The following PCDH9 variants were observed in gnomAD, a reference collection of about 807,000 sequenced individuals.
PCDH9 encodes protocadherin 9.
In PCDH9, 24 loss-of-function variants were observed where a neutral mutation model predicts 70.6. The ratio of observed to expected loss-of-function variants is 0.34; its 90% CI spans 0.25 to 0.48. The LOEUF (loss-of-function observed/expected upper bound fraction) is 0.48, where lower values mean the gene tolerates loss of function less well. Among genes scored for constraint, PCDH9 ranks in the 20% least tolerant of loss-of-function variants. PCDH9 has a pLI of 0.99. For synonymous variants in PCDH9, 562 were observed against 558.5 expected (o/e 1.01, Z -0.09); for missense variants, 1,281 against 1,503.6 (o/e 0.85, Z 2.45).
intron 3 of PCDH9, among the ~76,000 whole-genome samples, chr13:66,695,193 G>A (rs1490947368): frequency 6.6e-6 from 1 of 152,094 alleles, no homozygotes; most frequent in Non-Finnish European, 1.5e-5. Context: ...GTGAGCCACC[G>A]CGCCCGGTAT....
At chr13:66,626,644 T>TA (rs1415176700) in intron 4 of PCDH9, among the ~76,000 whole-genome samples, 3 of 152,182 alleles carry the variant, frequency 2.0e-5, no homozygotes, top group East Asian at 3.9e-4. Flanking sequence ...TAGACATTTT[T>TA]AAAAAATGGA....
intron 3 of PCDH9, among the ~76,000 whole-genome samples, chr13:66,746,912 G>T (rs1301384584): frequency 1.3e-5 from 2 of 151,900 alleles, no homozygotes; most frequent in Non-Finnish European, 2.9e-5. Context: ...TACTAAATGT[G>T]AATACCCCTA....
chr13:66,438,163 G>A (rs1207441965), intron 4 of PCDH9, among the ~76,000 whole-genome samples: 1 of 151,754 alleles, frequency 6.6e-6, no homozygotes, highest in Non-Finnish European at 1.5e-5. Context: ...GAAACCGGGA[G>A]GTAGAGGTTG....
intron 2 of PCDH9, among the ~76,000 whole-genome samples, chr13:67,002,730 T>A (rs1371916639): frequency 2.0e-5 from 3 of 152,076 alleles, no homozygotes; most frequent in Admixed American, 2.0e-4. Context: ...CTTCTTTTTT[T>A]CCTGTAAATT....
At chr13:66,555,956 A>G (rs1454008338) in intron 4 of PCDH9, among the ~76,000 whole-genome samples, 1 of 148,354 alleles carries the variant, frequency 6.7e-6, no homozygotes, top group Admixed American at 6.8e-5. Context: ...TATATAAGAT[A>G]TATACATTTT....
chr13:66,779,563 C>A (rs2079955272), intron 3 of PCDH9, among the ~76,000 whole-genome samples: 1 of 152,116 alleles, frequency 6.6e-6, no homozygotes, highest in African/African-American at 2.4e-5. Context: ...TGGCTCAGGC[C>A]TGTAATCCCA....
At chr13:66,935,245 G>A (rs1594282452) in intron 2 of PCDH9, among the ~76,000 whole-genome samples, 1 of 151,750 alleles carries the variant, frequency 6.6e-6, no homozygotes, top group Non-Finnish European at 1.5e-5. Context: ...TTGTAGTGAC[G>A]AGATCCCACT....
chr13:66,529,470 CTG>C (rs1437123046), intron 4 of PCDH9, among the ~76,000 whole-genome samples: 2 of 152,016 alleles, frequency 1.3e-5, no homozygotes, highest in East Asian at 1.9e-4. Context: ...GCAAAAGGGT[CTG>C]TGTCTTTTTC....
rs1247996392 is a variant in PCDH9 at position 66,922,900 on chromosome 13, CATTAT to C, written c.3037-19300_3037-19296del. ...TTTTTTTCATCTTTAAAAGAAAACT[CATTAT>C]ATTATTAATTTTTTAGAAACCAATA... On this transcript the variant is annotated intron_variant, in intron 2 of 4. Coordinates refer to ENST00000377865, the MANE Select transcript of PCDH9 (RefSeq NM_203487.3). 4.6e-5 allele frequency among the ~76,000 whole-genome samples: 7 copies of C among 151,332 alleles called. No individual in the cohort carries two copies. In the South Asian group the frequency reaches 1.2e-3, roughly 27 times the overall value.
At chr13:66,882,797 T>A (rs1362522580) in intron 3 of PCDH9, among the ~76,000 whole-genome samples, 1 of 152,108 alleles carries the variant, frequency 6.6e-6, no homozygotes, top group Non-Finnish European at 1.5e-5. Flanking sequence ...AATATATAAA[T>A]CTCATGAAAC....
chr13:66,522,709 G>A (rs928383021), intron 4 of PCDH9, among the ~76,000 whole-genome samples: 3 of 151,974 alleles, frequency 2.0e-5, no homozygotes, highest in Non-Finnish European at 4.4e-5. Context: ...GATAGAGAGA[G>A]TCATGCAGCC....
Position 66,303,148 on chromosome 13 carries a change from T to C in PCDH9, c.*1507A>G, listed in dbSNP as rs911685012. 3 of 152,300 alleles carry C rather than the reference T, an allele frequency of 2.0e-5. No homozygotes were observed. Among genetic ancestry groups the C allele is most frequent in the African/African-American group, 4.8e-5 (2 of 41,390 alleles). The allele number at this position is 152,300 out of a possible 1,614,324, so 9.4% of individuals were successfully genotyped here. ...GTTTTTTTTACTTTTAAATTGATGG[T>C]GAACCGTGGCATTAAGATAACTTCC... On this transcript the variant is annotated 3_prime_UTR_variant, in exon 5 of 5. Coordinates refer to ENST00000377865, the MANE Select transcript of PCDH9 (RefSeq NM_203487.3).
intron 2 of PCDH9, among the ~76,000 whole-genome samples, chr13:67,028,967 G>A (rs781298282): frequency 2.1e-4 from 32 of 152,186 alleles, no homozygotes; most frequent in Admixed American, 5.9e-4. Flanking sequence ...TGAAGTTAGC[G>A]TCTAAAAATA....
chr13:66,596,778 A>C (rs1358986159), intron 4 of PCDH9, among the ~76,000 whole-genome samples: 1 of 148,272 alleles, frequency 6.7e-6, no homozygotes, highest in Non-Finnish European at 1.5e-5. Context: ...ATTTTTTTTC[A>C]TTCATTTTTC....
rs35287889 is a variant in PCDH9, at chr13:66,670,912, TAAAAAAAA to T, written c.3139-39509_3139-39502del. 5.7e-3 allele frequency among the ~76,000 whole-genome samples: 683 copies of T among 120,208 alleles called. 5 individuals are homozygous for T. Among genetic ancestry groups the T allele is most frequent in the African/African-American group, 0.019 (617 of 32,772 alleles). The allele number at this position is 120,208 out of a possible 152,430, so 78.9% of individuals were successfully genotyped here. On this transcript the variant is annotated intron_variant, in intron 3 of 4. Coordinates refer to ENST00000377865, the MANE Select transcript of PCDH9 (RefSeq NM_203487.3). ...TATCTAACATGACTGTGTTCTTATTTAAAAAAAAAAAAAAAAAAAAAAAGGAAGTTGGG... is the reference window on the plus strand; with the variant it reads ...TATCTAACATGACTGTGTTCTTATTTAAAAAAAAAAAAAAAGGAAGTTGGG...
intron 3 of PCDH9, among the ~76,000 whole-genome samples, chr13:66,781,886 T>TACATCTCGGGCTCAAA (rs1555268456): frequency 6.6e-6 from 1 of 151,886 alleles, no homozygotes; most frequent in East Asian, 1.9e-4. Context: ...CATCTCGGGC[T>TACATCTCGGGCTCAAA]CAATCAAAAG....
At chr13:67,176,178 A>C (rs937882945) in intron 2 of PCDH9, among the ~76,000 whole-genome samples, 1 of 152,218 alleles carries the variant, frequency 6.6e-6, no homozygotes, top group African/African-American at 2.4e-5. Flanking sequence ...GTAAAGCAAG[A>C]AAGAAAGACA....
At chr13:66,342,318 C>A (rs1956141331) in intron 4 of PCDH9, among the ~76,000 whole-genome samples, 1 of 152,130 alleles carries the variant, frequency 6.6e-6, no homozygotes, top group Non-Finnish European at 1.5e-5. Flanking sequence ...TAAAACACAA[C>A]AACTTGCTTT....
chr13:67,038,785 A>C (rs966046829), intron 2 of PCDH9, among the ~76,000 whole-genome samples: 1 of 151,998 alleles, frequency 6.6e-6, no homozygotes, highest in African/African-American at 2.4e-5. Flanking sequence ...TGGTAGGAGG[A>C]TCTTTTGTTA....
Sources: allele counts gnomAD v4.1 joint callset (sites outside exome capture counted in the v4.1 genomes callset), GRCh38; gene constraint gnomAD v4.1.1; transcripts MANE v1.5; gene names NCBI Gene and HGNC (gene_info 2026-07-23, HGNC 2026-07-21).